PROX1: variants seen among roughly 807,000 people sequenced by gnomAD.
PROX1 encodes prospero homeobox 1.
Under a neutral mutation model 58.8 loss-of-function variants are expected in PROX1, and 7 were observed. The observed-to-expected ratio is 0.12, with a 90% CI of 0.07 to 0.22. The LOEUF (loss-of-function observed/expected upper bound fraction) is 0.22, where lower values mean the gene tolerates loss of function less well. PROX1 is among the 10% of genes least tolerant of loss of function. The probability of loss-of-function intolerance (pLI) is 1.00; values close to 1 mark genes in which losing one functional copy is unlikely to be tolerated. For synonymous variants in PROX1, 350 were observed against 358.3 expected (o/e 0.98, Z 0.26); for missense variants, 675 against 927.8 (o/e 0.73, Z 3.54).
chr1:213,989,226 G>A (rs1662928418), intron 1 of PROX1, among the ~76,000 whole-genome samples: 1 of 152,038 alleles, frequency 6.6e-6, no homozygotes, highest in Non-Finnish European at 1.5e-5. Flanking sequence ...CCGGCTTGGA[G>A]GGGAGCGGTG....
At position 213,996,772 on chromosome 1, in the gene PROX1, G is replaced by A; in HGVS notation, c.237G>A (p.Ser79=). ...GCAAGCTGCTGAAGAGGGCGAACTC[G>A]TATGAAGATGCCATGATGCCTTTTC... ...VLRKLLKRAN[S]YEDAMMPFPG... Residue 79 remains serine (S), a synonymous_variant, in exon 2 of 5, where the codon TCG becomes TCA. Coordinates refer to ENST00000366958, the MANE Select transcript of PROX1 (RefSeq NM_001270616.2). The A allele has an allele frequency of 1.2e-6, 2 of 1,614,186 alleles. No homozygotes were observed. Among genetic ancestry groups the A allele is most frequent in the Non-Finnish European group, 1.7e-6 (2 of 1,180,044 alleles).
At chr1:214,028,605 T>TCAAACTTGTAAA (rs1664538323) in intron 4 of PROX1, among the ~76,000 whole-genome samples, 2 of 152,296 alleles carry the variant, frequency 1.3e-5, no homozygotes, top group East Asian at 3.9e-4. Flanking sequence ...GAATTAGGGC[T>TCAAACTTGTAAA]CCTCTTTAAA....
At chr1:213,989,465 A>G (rs1482612708) in intron 1 of PROX1, among the ~76,000 whole-genome samples, 2 of 151,434 alleles carry the variant, frequency 1.3e-5, no homozygotes, top group South Asian at 2.1e-4. Flanking sequence ...CTGGCAGACT[A>G]TGGTGTTGGG....
chr1:214,027,927 CAT>C (rs2102768955), intron 4 of PROX1, among the ~76,000 whole-genome samples: 1 of 150,596 alleles, frequency 6.6e-6, no homozygotes, highest in South Asian at 2.1e-4. Context: ...ACCAAGGAAA[CAT>C]AGTTTTTAGG....
intron 4 of PROX1, among the ~76,000 whole-genome samples, chr1:214,014,285 G>A (rs899482004): frequency 6.6e-6 from 1 of 152,172 alleles, no homozygotes; most frequent in Non-Finnish European, 1.5e-5. Context: ...CTCCTCTTAA[G>A]GTCAAGTAAA....
intron 4 of PROX1, among the ~76,000 whole-genome samples, chr1:214,026,687 T>C (rs1322371655): frequency 6.6e-6 from 1 of 152,214 alleles, no homozygotes; most frequent in African/African-American, 2.4e-5. Context: ...CTAAATACTC[T>C]TAAAAGACAA....
At chr1:214,028,438 A>G (rs916228719) in intron 4 of PROX1, among the ~76,000 whole-genome samples, 2 of 152,220 alleles carry the variant, frequency 1.3e-5, no homozygotes, top group Non-Finnish European at 2.9e-5. Context: ...ATTTTGACTC[A>G]TAATTATGAA....
chr1:214,024,353 A>G (rs1664382181), intron 4 of PROX1, among the ~76,000 whole-genome samples: 1 of 152,214 alleles, frequency 6.6e-6, no homozygotes, highest in African/African-American at 2.4e-5. Context: ...TCTCTGACAG[A>G]ACAAAGATCT....
chr1:213,993,384 G>T (rs1663107740), intron 1 of PROX1, among the ~76,000 whole-genome samples: 1 of 152,240 alleles, frequency 6.6e-6, no homozygotes, highest in East Asian at 1.9e-4. Flanking sequence ...GGTGAAACAT[G>T]ATAGCTTAAT....
chr1:213,987,281 T>C (rs915354994), upstream of PROX1, among the ~76,000 whole-genome samples: 2 of 152,116 alleles, frequency 1.3e-5, no homozygotes, highest in Non-Finnish European at 2.9e-5. Context: ...CTGGCACCTA[T>C]TATTTTAATA....
At chr1:214,029,699 T>G (rs1664579929) in intron 4 of PROX1, 1 of 152,152 alleles carries the variant, frequency 6.6e-6, no homozygotes, top group South Asian at 2.1e-4. Context: ...TCTTTCGAGT[T>G]CCCTGAAACA....
intron 4 of PROX1, chr1:214,030,180 T>G (rs184924233): frequency 6.6e-6 from 1 of 152,278 alleles, no homozygotes; most frequent in Middle Eastern, 3.2e-3. Context: ...TGCCCTTTTA[T>G]AGTATAAAAA....
intron 4 of PROX1, among the ~76,000 whole-genome samples, chr1:214,032,684 G>A (rs1664699061): frequency 6.6e-6 from 1 of 152,142 alleles, no homozygotes; most frequent in Admixed American, 6.5e-5. Flanking sequence ...TAAAGCAGAA[G>A]GCAAGATCTC....
At position 213,996,963 on chromosome 1, in the gene PROX1, C is replaced by T. The variant is rs759149509; in HGVS notation, c.428C>T (p.Pro143Leu). The T allele has an allele frequency of 6.2e-7, 1 of 1,614,076 alleles. No homozygotes were observed. Among genetic ancestry groups the T allele is most frequent in the Non-Finnish European group, 8.5e-7 (1 of 1,180,034 alleles). Residue 143 changes from proline (P) to leucine (L), a missense_variant, in exon 2 of 5, where the codon CCT (proline) becomes CTT (leucine). Transcript: ENST00000366958. Reference sequence around the variant, plus strand: ...GACAGCCCCCCAGAGTGTCTTTCCCCTTTTGGCAGGCCTACTATGAGCCAG... The same window carrying T: ...GACAGCCCCCCAGAGTGTCTTTCCCTTTTTGGCAGGCCTACTATGAGCCAG... ...SRDSPPECLS[P>L]FGRPTMSQFD...
chr1:214,006,433 G>A (rs1465211990), intron 3 of PROX1, among the ~76,000 whole-genome samples: 1 of 152,100 alleles, frequency 6.6e-6, no homozygotes, highest in Non-Finnish European at 1.5e-5. Context: ...CTCCTTCCCT[G>A]GCTGTGCTCC....
chr1:213,993,312 G>GC (rs1663104589), intron 1 of PROX1, among the ~76,000 whole-genome samples: 5 of 152,066 alleles, frequency 3.3e-5, no homozygotes, highest in Admixed American at 2.0e-4. Flanking sequence ...GCTTCATATT[G>GC]CCTAGTGAAA....
At chr1:214,015,702 G>T (rs899388592) in intron 4 of PROX1, among the ~76,000 whole-genome samples, 17 of 152,134 alleles carry the variant, frequency 1.1e-4, no homozygotes, top group African/African-American at 3.9e-4. Flanking sequence ...ATGTGCAGCT[G>T]CGAAAGGCAG....
chr1:214,024,413 C>T (rs1664384094), intron 4 of PROX1, among the ~76,000 whole-genome samples: 1 of 152,190 alleles, frequency 6.6e-6, no homozygotes, highest in South Asian at 2.1e-4. Context: ...CCCATCCTTT[C>T]CTAAAGCAAC....
intron 4 of PROX1, among the ~76,000 whole-genome samples, chr1:214,023,326 G>C (rs1664346934): frequency 6.6e-6 from 1 of 151,898 alleles, no homozygotes; most frequent in East Asian, 1.9e-4. Context: ...TTTCAGAGCA[G>C]AATTGGCTAT....
Sources: allele counts gnomAD v4.1 joint callset (sites outside exome capture counted in the v4.1 genomes callset), GRCh38; gene constraint gnomAD v4.1.1; transcripts MANE v1.5; gene names NCBI Gene and HGNC (gene_info 2026-07-23, HGNC 2026-07-21).